Variants in PCDHA6 observed in about 807,000 individuals in gnomAD.
PCDHA6 encodes protocadherin alpha 6, also known as protocadherin alpha-6.
In PCDHA6, 55 loss-of-function variants were observed where a neutral mutation model predicts 60.3. That is an observed-to-expected ratio of 0.91 (90% CI 0.73 to 1.14). The LOEUF (loss-of-function observed/expected upper bound fraction) is 1.14, where lower values mean the gene tolerates loss of function less well. Among genes scored for constraint, PCDHA6 ranks in the 50% most tolerant of loss-of-function variants. The pLI, the probability that PCDHA6 is intolerant of heterozygous loss-of-function variation, is 0.00. For missense variants in PCDHA6, 1,327 were observed against 1,256.5 expected, an observed-to-expected ratio of 1.06 and a Z score of -0.85; for synonymous variants, 652 against 557.9, an observed-to-expected ratio of 1.17 and a Z score of -2.38.
intron 3 of PCDHA6, among the ~76,000 whole-genome samples, chr5:141,007,395 C>CAAAAAAAA (rs35800918): frequency 4.0e-3 from 379 of 94,450 alleles, no homozygotes; most frequent in Non-Finnish European, 5.7e-3. Context: ...TACTAAAATA[C>CAAAAAAAA]AAAAAAAAAA....
At chr5:140,912,652 G>A (rs555103404) in intron 1 of PCDHA6, among the ~76,000 whole-genome samples, 2 of 152,132 alleles carry the variant, frequency 1.3e-5, no homozygotes, top group South Asian at 2.1e-4. Context: ...TTGAATAGAA[G>A]TGGTGAAAAT....
chr5:140,867,581 T>C (rs1322597888), intron 1 of PCDHA6: 1 of 152,170 alleles, frequency 6.6e-6, no homozygotes, highest in Non-Finnish European at 1.5e-5. Context: ...GCCCTTGCAG[T>C]ATTTTTAGAT....
intron 1 of PCDHA6, among the ~76,000 whole-genome samples, chr5:140,885,040 T>C (rs2060438917): frequency 6.6e-6 from 1 of 152,226 alleles, no homozygotes; most frequent in African/African-American, 2.4e-5. Context: ...AATTTTTAGT[T>C]TAATGTATAC....
intron 1 of PCDHA6, chr5:140,929,147 A>G (rs1247156816): frequency 6.2e-7 from 1 of 1,614,062 alleles, no homozygotes; most frequent in Non-Finnish European, 8.5e-7. Flanking sequence ...AGACTTTCTC[A>G]GACTTATCTC....
At chr5:140,927,540 C>T (rs1376391756) in intron 1 of PCDHA6, 6 of 1,614,136 alleles carry the variant, frequency 3.7e-6, no homozygotes, top group African/African-American at 2.7e-5. Flanking sequence ...GCTCAGGAGA[C>T]GCACAAGTCA....
chr5:140,865,608 A>G (rs915675853), intron 1 of PCDHA6: 4 of 152,202 alleles, frequency 2.6e-5, no homozygotes, highest in Non-Finnish European at 5.9e-5. Context: ...CAGTTTATTA[A>G]TATATTTGTT....
intron 1 of PCDHA6, among the ~76,000 whole-genome samples, chr5:140,894,640 C>T (rs1004479669): frequency 4.6e-5 from 7 of 151,788 alleles, no homozygotes; most frequent in Admixed American, 4.6e-4. Flanking sequence ...CATATCATTA[C>T]TGAGTCTCTC....
At chr5:140,957,726 A>T (rs1297510940) in intron 1 of PCDHA6, among the ~76,000 whole-genome samples, 4 of 152,164 alleles carry the variant, frequency 2.6e-5, no homozygotes, top group Non-Finnish European at 5.9e-5. Flanking sequence ...AAGAAGCAGA[A>T]TTATATATAC....
At chr5:140,873,076 AT>A (rs2054077114) in intron 1 of PCDHA6, among the ~76,000 whole-genome samples, 1 of 152,056 alleles carries the variant, frequency 6.6e-6, no homozygotes, top group South Asian at 2.1e-4. Flanking sequence ...ATATCTAGCT[AT>A]TTCCCCCCCG....
intron 1 of PCDHA6, chr5:140,836,052 G>A (rs2150251542): frequency 2.4e-5 from 39 of 1,613,494 alleles, no homozygotes; most frequent in African/African-American, 4.0e-5. Flanking sequence ...GTTCGTGCTG[G>A]ACGAGAACGA....
intron 1 of PCDHA6, chr5:140,857,893 T>A (rs781996912): frequency 6.3e-7 from 1 of 1,596,578 alleles, no homozygotes; most frequent in South Asian, 1.1e-5. Flanking sequence ...CGGCGGCGGT[T>A]GGTGCACGCA....
intron 1 of PCDHA6, among the ~76,000 whole-genome samples, chr5:140,900,590 G>A (rs984247729): frequency 3.3e-5 from 5 of 152,174 alleles, no homozygotes; most frequent in South Asian, 2.1e-4. Flanking sequence ...TTCTTTACCC[G>A]TTCATCTGAT....
chr5:140,842,835 C>T (rs146745311), intron 1 of PCDHA6: 10 of 1,593,736 alleles, frequency 6.3e-6, no homozygotes, highest in African/African-American at 1.3e-5. Flanking sequence ...CGCTCGCTGT[C>T]GAGCTACATT....
At position 140,951,793 on chromosome 5, in the gene PCDHA6, C is replaced by T. The variant is rs536005204; in HGVS notation, c.2395-27156C>T. 5.3e-5 allele frequency among the ~76,000 whole-genome samples: 8 copies of T among 152,244 alleles called. No homozygotes were observed. The South Asian group carries it at 1.7e-3, about 32-fold the overall frequency. On this transcript the variant is annotated intron_variant, in intron 1 of 3. Coordinates refer to ENST00000529310, the MANE Select transcript of PCDHA6 (RefSeq NM_018909.4). ...TTCTTACATTGCAAAATACAATTAT[C>T]CCTTCCCAATGGTCCCTCAAAGTCT...
At chr5:140,877,821 T>A in intron 1 of PCDHA6, 1 of 1,603,344 alleles carries the variant, frequency 6.2e-7, no homozygotes, top group East Asian at 2.2e-5. Flanking sequence ...GAGAAGATTG[T>A]TTAAATCCTC....
At chr5:140,967,535 T>C in intron 1 of PCDHA6, 3 of 1,613,746 alleles carry the variant, frequency 1.9e-6, no homozygotes, top group Non-Finnish European at 2.5e-6. Context: ...CTCTCCTGCC[T>C]TTGACCAGTC....
chr5:140,905,368 T>G (rs536118800), intron 1 of PCDHA6, among the ~76,000 whole-genome samples: 47 of 152,336 alleles, frequency 3.1e-4, no homozygotes, highest in Non-Finnish European at 4.6e-4. Flanking sequence ...TATTTCTGGT[T>G]CTCTGTTCTG....
intron 1 of PCDHA6, among the ~76,000 whole-genome samples, chr5:140,874,556 C>T (rs1194980368): frequency 3.3e-5 from 5 of 152,178 alleles, no homozygotes; most frequent in African/African-American, 4.8e-5. Flanking sequence ...AGAGATCTTT[C>T]GCATTTTAGT....
rs550257645 is a variant in PCDHA6 at position 140,858,423 on chromosome 5, A to G, written c.2394+27938A>G. 7.3e-5 allele frequency: 113 copies of G among 1,554,520 alleles called. 7 individuals carry two copies. In the South Asian group the frequency reaches 1.0e-3, roughly 14 times the overall value. On this transcript the variant is annotated intron_variant, in intron 1 of 3. Coordinates refer to ENST00000529310, the MANE Select transcript of PCDHA6 (RefSeq NM_018909.4). ...GGGGAAGATCAGTCTATTGGAGGGG[A>G]CCACTCTAGGAAGGTGGGTTATTAC...
Sources: allele counts gnomAD v4.1 joint callset (sites outside exome capture counted in the v4.1 genomes callset), GRCh38; gene constraint gnomAD v4.1.1; transcripts MANE v1.5; gene names NCBI Gene and HGNC (gene_info 2026-07-23, HGNC 2026-07-21).